The following THOP1 variants were observed in gnomAD, a reference collection of about 807,000 sequenced individuals.
The protein encoded by THOP1 is thimet oligopeptidase.
Under a neutral mutation model 71.8 loss-of-function variants are expected in THOP1, and 49 were observed. The ratio of observed to expected loss-of-function variants is 0.68; its 90% CI spans 0.54 to 0.87. THOP1 has a LOEUF of 0.87. Ranked by LOEUF, THOP1 falls within the 40% of genes least tolerant of loss-of-function variation. THOP1 has a pLI of 0.00. For synonymous variants in THOP1, 426 were observed against 421.5 expected, an observed-to-expected ratio of 1.01 and a Z score of -0.13; for missense variants, 843 against 975.6, an observed-to-expected ratio of 0.86 and a Z score of 1.81.
chr19:2,811,566 A>C (rs1354483689), intron 11 of THOP1, 32 bp from the exon 12 acceptor site: 1 of 1,599,694 alleles, frequency 6.3e-7, no homozygotes, highest in South Asian at 1.1e-5. Flanking sequence ...GGTGGGGGCT[A>C]CAGCGTGAAC....
At chr19:2,808,651 C>T (rs1047747881) in intron 9 of THOP1, among the ~76,000 whole-genome samples, 3 of 152,276 alleles carry the variant, frequency 2.0e-5, no homozygotes. Context: ...CCAGGGCTTA[C>T]ACAAGGTGCG....
chr19:2,812,520 C>T (rs1916504059), intron 12 of THOP1: 4 of 990,948 alleles, frequency 4.0e-6, no homozygotes, highest in Non-Finnish European at 4.2e-6. Flanking sequence ...CCAGCAGCTC[C>T]CCCTGCTGCT....
intron 4 of THOP1, 145 bp downstream of exon 4, chr19:2,796,333 C>T (rs953801560): frequency 6.2e-6 from 4 of 640,028 alleles, no homozygotes; most frequent in African/African-American, 5.7e-5. Flanking sequence ...GTGCTCGGCT[C>T]AGGGAGTGCT....
intron 5 of THOP1, among the ~76,000 whole-genome samples, chr19:2,803,566 C>T (rs1292676041): frequency 6.6e-6 from 1 of 152,228 alleles, no homozygotes; most frequent in African/African-American, 2.4e-5. Flanking sequence ...CCTTGCTGTC[C>T]TTTAACTCCC....
intron 9 of THOP1, chr19:2,809,512 T>G (rs1406638913): frequency 6.6e-6 from 1 of 152,282 alleles, no homozygotes; most frequent in African/African-American, 2.4e-5. Flanking sequence ...GGCGCCGCAG[T>G]GCTGGCCTCT....
In THOP1 at chr19:2,805,672, C is replaced by T. The variant is rs1163681335; in HGVS notation, c.750+496C>T. Among the ~76,000 whole-genome samples, 1 of 152,138 alleles carries T rather than the reference C, an allele frequency of 6.6e-6. No homozygotes were observed. The highest frequency in any genetic ancestry group is 2.4e-5 in the African/African-American group (1 of 41,426). ...TGTGGTCGGTCAGGTGGTCTCTGCA[C>T]GTCTCCCATTCGCCATCTGGAACAG... is the stretch of plus-strand genomic sequence containing the variant. On this transcript the variant is annotated intron_variant, in intron 6 of 12. Transcript: ENST00000307741. The surrounding 1 kb of genome is among the most constrained non-coding windows in gnomAD (Gnocchi z 6.6).
intron 4 of THOP1, among the ~76,000 whole-genome samples, chr19:2,798,463 C>T (rs1320242014): frequency 1.3e-5 from 2 of 152,160 alleles, no homozygotes; most frequent in Admixed American, 6.5e-5. Context: ...AGGACAGAAG[C>T]GCGGAAAAGG....
rs373286482 is a variant in THOP1, at chr19:2,787,406, T to C, written c.16+1728T>C. ...GCTACTGGATCCTTGGCACAATCAGTAAATATTTACAGGATGAACTGACGT... is the reference window on the plus strand; with the variant it reads ...GCTACTGGATCCTTGGCACAATCAGCAAATATTTACAGGATGAACTGACGT... On this transcript the variant is annotated intron_variant, in intron 1 of 12. Transcript: ENST00000307741. Among the ~76,000 whole-genome samples the C allele has an allele frequency of 2.6e-4, 39 of 152,306 alleles. 2 individuals carry two copies. The highest frequency in any genetic ancestry group is 1.7e-3 in the East Asian group (9 of 5,184).
intron 7 of THOP1, among the ~76,000 whole-genome samples, 176 bp downstream of exon 7, chr19:2,807,228 G>A (rs561116691): frequency 6.6e-6 from 1 of 152,282 alleles, no homozygotes; most frequent in East Asian, 1.9e-4. Context: ...ACAGGGAAGC[G>A]CCCGGGCCCT....
chr19:2,799,755 G>T lies in THOP1; in HGVS notation c.553G>T (p.Asp185Tyr), dbSNP rs368983934. The change falls in exon 5 of 13, where the codon GAC becomes TAC. Residue 185 changes from aspartate to tyrosine, a missense_variant. By Grantham distance (160) the Asp-to-Tyr change is radical. Coordinates refer to ENST00000307741, the MANE Select transcript of THOP1 (RefSeq NM_003249.5). ...CIDFNKNLNE[D>Y]TTFLPFTLQE... ...CGACTTCAACAAGAACCTGAACGAG[G>T]ACACGACCTTCCTGCCCTTCACGCT... 3 of 1,613,914 alleles carry T rather than the reference G, an allele frequency of 1.9e-6. No individual in the cohort carries two copies. The highest frequency in any genetic ancestry group is 2.5e-6 in the Non-Finnish European group (3 of 1,180,010).
chr19:2,791,972 C>T (rs1244398637), intron 2 of THOP1, among the ~76,000 whole-genome samples: 2 of 152,176 alleles, frequency 1.3e-5, no homozygotes, highest in African/African-American at 2.4e-5. Flanking sequence ...CGGCCCCTCG[C>T]GCCCCTCGCC....
chr19:2,801,033 C>G lies in THOP1; in HGVS notation c.589+1242C>G, dbSNP rs1050083140. Among the ~76,000 whole-genome samples the G allele has an allele frequency of 1.4e-4, 22 of 152,318 alleles. No individual in the cohort carries two copies. Among genetic ancestry groups the G allele is most frequent in the Admixed American group, 2.6e-4 (4 of 15,300 alleles). Reference sequence around the variant, plus strand: ...ACTCCCAAGGAGACTGGGCGTCCAGCTCAAATCTGCCTCCTGTGCCAGCTT... The same window carrying G: ...ACTCCCAAGGAGACTGGGCGTCCAGGTCAAATCTGCCTCCTGTGCCAGCTT... On this transcript the variant is annotated intron_variant, in intron 5 of 12. Coordinates refer to ENST00000307741, the MANE Select transcript of THOP1 (RefSeq NM_003249.5). This position sits in a 1 kb window ranked among gnomAD's most constrained non-coding sequence, Gnocchi z 5.1.
intron 11 of THOP1, 149 bp from the exon 12 acceptor site, chr19:2,811,449 A>T: frequency 9.3e-7 from 1 of 1,074,228 alleles, no homozygotes; most frequent in Non-Finnish European, 1.3e-6. Flanking sequence ...TGGTTCTAGA[A>T]GTATCCAGCT....
rs752714345 is a variant in THOP1 at position 2,807,704 on chromosome 19, C to T, written c.1149C>T (p.His383=). The T allele has an allele frequency of 6.2e-6, 10 of 1,603,416 alleles. No homozygotes were observed. The highest frequency in any genetic ancestry group is 2.7e-5 in the African/African-American group (2 of 74,862). The change falls in exon 8 of 13, where the codon CAC becomes CAT. Residue 383 remains histidine (H), a synonymous_variant. Transcript: ENST00000307741. ...YQELLGLAFH[H]EEGASAWHED... ...AGCTCCTGGGGCTGGCCTTCCACCA[C>T]GAGGAGGGCGCCAGTGCCTGGCATG...
intron 2 of THOP1, among the ~76,000 whole-genome samples, chr19:2,792,466 A>AC (rs1034482541): frequency 1.4e-4 from 4 of 28,698 alleles, no homozygotes; most frequent in Non-Finnish European, 2.6e-4. Context: ...TGCCCAGCCC[A>AC]CCCCCCCTCT....
intron 11 of THOP1, 75 bp downstream of exon 11, chr19:2,810,843 G>A: frequency 6.6e-7 from 1 of 1,525,000 alleles, no homozygotes; most frequent in Non-Finnish European, 8.8e-7. Context: ...AAGGGAGTTG[G>A]TCCCCATGCT....
In THOP1 at chr19:2,804,997, C is replaced by A; in HGVS notation, c.590-19C>A. 6 of 1,606,440 alleles carry A rather than the reference C, an allele frequency of 3.7e-6. No homozygotes were observed. The highest frequency in any genetic ancestry group is 5.1e-6 in the Non-Finnish European group (6 of 1,176,494). On this transcript the variant is annotated intron_variant, in intron 5 of 12. Coordinates refer to ENST00000307741, the MANE Select transcript of THOP1 (RefSeq NM_003249.5). This position sits in a 1 kb window ranked among gnomAD's most constrained non-coding sequence, Gnocchi z 4.7. ...GGCCCATCAGTCCTGTCAAAGCCACCCTGGTTCTGTCCCCATAGGAGGGCT... is the reference window on the plus strand; with the variant it reads ...GGCCCATCAGTCCTGTCAAAGCCACACTGGTTCTGTCCCCATAGGAGGGCT...
chr19:2,810,126 C>A (rs974024675), intron 9 of THOP1, 178 bp from the exon 10 acceptor site: 2 of 765,554 alleles, frequency 2.6e-6, no homozygotes, highest in Admixed American at 3.0e-5. Context: ...CGGCAGCCAG[C>A]AGCAGCCCAG....
At chr19:2,788,449 G>T (rs890109247) in intron 1 of THOP1, among the ~76,000 whole-genome samples, 2 of 152,146 alleles carry the variant, frequency 1.3e-5, no homozygotes, top group African/African-American at 4.8e-5. Context: ...AGCCTTCATT[G>T]TCATCTACAC....
Sources: gnomAD v4.1 joint callset for allele counts (sites outside exome capture counted in the v4.1 genomes callset) on GRCh38, gnomAD v4.1.1 for gene constraint, Gnocchi (gnomAD v3.1) non-coding constraint, MANE v1.5 for transcripts, NCBI Gene and HGNC (gene_info 2026-07-23, HGNC 2026-07-21) for gene names.